Variants in PTCD3 observed in about 807,000 individuals in gnomAD.
PTCD3 encodes the protein pentatricopeptide repeat domain 3, also known as small ribosomal subunit protein mS39.
A neutral mutation model predicts 101.9 loss-of-function variants in PTCD3; 89 were observed. The ratio of observed to expected loss-of-function variants is 0.87; its 90% CI spans 0.74 to 1.04. The LOEUF (loss-of-function observed/expected upper bound fraction) is 1.04. PTCD3 is among the 50% of genes least tolerant of loss of function. The pLI is 0.00. For synonymous variants in PTCD3, 296 were observed against 278.5 expected, an observed-to-expected ratio of 1.06 and a Z score of -0.63; for missense variants, 870 against 828.2, an observed-to-expected ratio of 1.05 and a Z score of -0.62.
At chr2:86,135,929 A>G (rs779270261) in intron 21 of PTCD3, 48 of 518,998 alleles carry the variant, frequency 9.2e-5, no homozygotes, top group Non-Finnish European at 1.3e-4. Context: ...AGCTGAATGT[A>G]TGTGTTTCTC....
At chr2:86,109,814 CTT>C (rs1034059158) in intron 3 of PTCD3, among the ~76,000 whole-genome samples, 2 of 152,294 alleles carry the variant, frequency 1.3e-5, no homozygotes, top group African/African-American at 4.8e-5. Flanking sequence ...CATACAATAA[CTT>C]TTTACATTGA....
chr2:86,126,171 T>C (rs1308919573), intron 12 of PTCD3, among the ~76,000 whole-genome samples: 1 of 146,432 alleles, frequency 6.8e-6, no homozygotes, highest in Non-Finnish European at 1.5e-5. Context: ...CGGAGGTTGC[T>C]GTGAGCAGAG....
In PTCD3 at chr2:86,137,108, A is replaced by G; in HGVS notation, c.1947A>G (p.Val649=). ...TTTGTGAGGGCCTCACCCAGAGAGT[A>G]ATGAGTGATTTTGCAATCAACCAGG... The part of the protein sequence containing the change: ...LPICEGLTQR[V]MSDFAINQEQ... Residue 649 remains valine, a synonymous_variant, in exon 23 of 24, where the codon GTA becomes GTG. Coordinates refer to ENST00000254630, the MANE Select transcript of PTCD3 (RefSeq NM_017952.6). 1.9e-6 allele frequency: 3 copies of G among 1,596,676 alleles called. No individual in the cohort carries two copies. Among genetic ancestry groups the G allele is most frequent in the Non-Finnish European group, 2.6e-6 (3 of 1,172,882 alleles).
chr2:86,119,766 A>G (rs1674248281), intron 7 of PTCD3, among the ~76,000 whole-genome samples: 1 of 152,258 alleles, frequency 6.6e-6, no homozygotes, highest in Non-Finnish European at 1.5e-5. Context: ...TGCTGGTGCC[A>G]TCTGTGTCAC....
rs150103186 is a variant in PTCD3, at chr2:86,118,688, C to T, written c.415-233C>T. On this transcript the variant is annotated intron_variant, in intron 6 of 23. Coordinates refer to ENST00000254630, the MANE Select transcript of PTCD3 (RefSeq NM_017952.6). The stretch of plus-strand genomic sequence containing the variant: ...AGTGAATGAGGTAAAATCAGCATAC[C>T]TTGGGTAGTATTAAATGTTTAGATG... Among the ~76,000 whole-genome samples, 230 of 152,194 alleles carry T rather than the reference C, an allele frequency of 1.5e-3. 2 individuals carry two copies. Among genetic ancestry groups the T allele is most frequent in the African/African-American group, 5.1e-3 (211 of 41,530 alleles).
chr2:86,125,868 G>T lies in PTCD3; in HGVS notation c.939G>T (p.Trp313Cys). 6.3e-7 allele frequency: 1 copy of T among 1,599,608 alleles called. No individual in the cohort carries two copies. The highest frequency in any genetic ancestry group is 8.6e-7 in the Non-Finnish European group (1 of 1,166,926). ...TAAATGAGAAATTTGAGGAAAAATG[G>T]AGTAAAATACTGGTAAGGAGGAATC... ...CAINEKFEEKWSKILELLRHM... is the reference protein window; with the variant it reads ...CAINEKFEEKCSKILELLRHM... The change falls in exon 12 of 24, where the codon TGG becomes TGT. Residue 313 changes from tryptophan (W) to cysteine (C), a missense_variant. Physicochemically the swap from Trp to Cys is radical, Grantham distance 215. Coordinates refer to ENST00000254630, the MANE Select transcript of PTCD3 (RefSeq NM_017952.6).
intron 4 of PTCD3, among the ~76,000 whole-genome samples, chr2:86,115,713 C>T (rs1674164837): frequency 6.6e-6 from 1 of 152,058 alleles, no homozygotes. Context: ...ATAAAGAAAG[C>T]AATTCTGGGG....
chr2:86,135,048 G>GC, intron 21 of PTCD3, 61 bp downstream of exon 21: 2 of 1,513,956 alleles, frequency 1.3e-6, no homozygotes, highest in East Asian at 2.3e-5. Context: ...TAAAACATTG[G>GC]CCCACGCTGG....
intron 22 of PTCD3, 91 bp downstream of exon 22, chr2:86,136,653 C>T: frequency 2.8e-6 from 4 of 1,430,548 alleles, no homozygotes; most frequent in Non-Finnish European, 3.0e-6. Flanking sequence ...CACATTTGGG[C>T]ACTCTTCTGT....
At chr2:86,133,727 AC>A (rs1227342886) in intron 19 of PTCD3, among the ~76,000 whole-genome samples, 5 of 152,190 alleles carry the variant, frequency 3.3e-5, no homozygotes, top group Non-Finnish European at 7.3e-5. Flanking sequence ...GGCGTGGCAG[AC>A]CCTAAATCTG....
chr2:86,129,644 T>C (rs1157888651), intron 14 of PTCD3, among the ~76,000 whole-genome samples: 1 of 152,100 alleles, frequency 6.6e-6, no homozygotes. Context: ...CCTGTCTCAA[T>C]AGTAATAATA....
intron 1 of PTCD3, among the ~76,000 whole-genome samples, chr2:86,106,805 A>G (rs1449003991): frequency 2.6e-5 from 4 of 152,234 alleles, no homozygotes; most frequent in Non-Finnish European, 5.9e-5. Flanking sequence ...AAAAGCAGAA[A>G]AGTCTAAAAG....
intron 1 of PTCD3, 99 bp downstream of exon 1, chr2:86,106,450 C>T (rs1673950274): frequency 3.2e-6 from 4 of 1,261,550 alleles, no homozygotes; most frequent in Non-Finnish European, 4.5e-6. Flanking sequence ...AAATGGTTTG[C>T]TCATGCGCGC....
chr2:86,117,081 CG>C lies in PTCD3; in HGVS notation c.340del (p.Glu114ArgfsTer19). The C allele has an allele frequency of 6.9e-7, 1 of 1,438,990 alleles. No homozygotes were observed. Among genetic ancestry groups the C allele is most frequent in the Non-Finnish European group, 9.8e-7 (1 of 1,021,106 alleles). 89.1% of individuals were successfully genotyped at this position (1,438,990 alleles called of 1,614,324 possible). A position where few individuals can be genotyped will look rare whatever the true frequency, so the allele number is the denominator to read the frequency against. ...GTTCATTTTTACTGGCAAAGAAATC[CG>C]GGGAGAATGTGGCCAAGTTTATTAT... The part of the protein sequence containing the change: ...SRSFLLAKKS[G>X]ENVAKFIINS... On this transcript the variant is annotated frameshift_variant, in exon 6 of 24. Transcript: ENST00000254630. LOFTEE classifies it high-confidence loss of function.
rs985577122 is a variant in PTCD3, at chr2:86,139,031, C to G, written c.*1472C>G. 3 of 152,154 alleles carry G rather than the reference C, an allele frequency of 2.0e-5. No homozygotes were observed. Among genetic ancestry groups the G allele is most frequent in the Non-Finnish European group, 4.4e-5 (3 of 68,034 alleles). 9.4% of individuals were successfully genotyped at this position (152,154 alleles called of 1,614,324 possible). On this transcript the variant is annotated 3_prime_UTR_variant, in exon 24 of 24. Coordinates refer to ENST00000254630, the MANE Select transcript of PTCD3 (RefSeq NM_017952.6). ...GGCCTATGAATTTGTAGTAGACTTT[C>G]AAAATGAGTGATTTGTTAGCTTGGT...
At position 86,125,878 on chromosome 2, in the gene PTCD3, C is replaced by A; in HGVS notation, c.949C>A (p.Leu317Met). 6.3e-7 allele frequency: 1 copy of A among 1,587,318 alleles called. No individual in the cohort carries two copies. Among genetic ancestry groups the A allele is most frequent in the Non-Finnish European group, 8.6e-7 (1 of 1,156,114 alleles). ...EKFEEKWSKI[L>M]ELLRHMVAQK... ...ATTTGAGGAAAAATGGAGTAAAATA[C>A]TGGTAAGGAGGAATCCTCAGTTTAT... The change falls in exon 12 of 24, where the codon CTG (leucine) becomes ATG (methionine). Residue 317 changes from leucine (L) to methionine (M), a missense_variant and splice_region_variant. Transcript: ENST00000254630.
Position 86,137,516 on chromosome 2 carries a change from A to G in PTCD3, c.2027A>G (p.Asp676Gly), listed in dbSNP as rs1393965992. 6.2e-7 allele frequency: 1 copy of G among 1,613,342 alleles called. No homozygotes were observed. Among genetic ancestry groups the G allele is most frequent in the Non-Finnish European group, 8.5e-7 (1 of 1,179,760 alleles). Residue 676 changes from aspartate to glycine, a missense_variant, in exon 24 of 24, where the codon GAC (aspartate) becomes GGC (glycine). Transcript: ENST00000254630. ...LTALTSDSDT[D>G]SSSDSDSDTS... ...GCATTGACCAGTGACAGTGATACTGACAGCAGCAGTGACAGCGACAGTGAC... is the reference window on the plus strand; with the variant it reads ...GCATTGACCAGTGACAGTGATACTGGCAGCAGCAGTGACAGCGACAGTGAC...
chr2:86,125,190 G>T, intron 10 of PTCD3, 108 bp downstream of exon 10: 1 of 1,485,396 alleles, frequency 6.7e-7, no homozygotes, highest in Non-Finnish European at 9.0e-7. Context: ...GGTCTGTCCT[G>T]TGCATTGTAG....
chr2:86,112,009 G>T (rs1354490461), intron 4 of PTCD3: 1 of 150,132 alleles, frequency 6.7e-6, no homozygotes, highest in Non-Finnish European at 1.5e-5. Flanking sequence ...CTCCCAAAGT[G>T]CTGGGATTAC....
Sources: gnomAD v4.1 joint callset for allele counts (sites outside exome capture counted in the v4.1 genomes callset) on GRCh38, gnomAD v4.1.1 for gene constraint, MANE v1.5 for transcripts, NCBI Gene and HGNC (gene_info 2026-07-23, HGNC 2026-07-21) for gene names.